LRRFIP1: variants seen among roughly 807,000 people sequenced by gnomAD.
LRRFIP1 encodes LRR binding FLII interacting protein 1, also known as leucine-rich repeat flightless-interacting protein 1.
A neutral mutation model predicts 104.4 loss-of-function variants in LRRFIP1; 62 were observed. That is an observed-to-expected ratio of 0.59 (90% confidence interval 0.48 to 0.73). The LOEUF (loss-of-function observed/expected upper bound fraction) is 0.73, where lower values mean the gene tolerates loss of function less well. Ranked by LOEUF, LRRFIP1 falls within the 30% of genes least tolerant of loss-of-function variation. The probability of loss-of-function intolerance (pLI) is 0.00; values close to 1 mark genes in which losing one functional copy is unlikely to be tolerated. For synonymous variants in LRRFIP1, 300 were observed against 299.0 expected (o/e 1.00, Z -0.03); for missense variants, 796 against 824.5 (o/e 0.97, Z 0.42).
intron 1 of LRRFIP1, among the ~76,000 whole-genome samples, chr2:237,704,425 A>AT (rs2093703841): frequency 6.6e-6 from 1 of 152,110 alleles, no homozygotes; most frequent in Non-Finnish European, 1.5e-5. Flanking sequence ...AAGTGCTGGG[A>AT]TTACAGGTGT....
intron 23 of LRRFIP1, 122 bp downstream of exon 23, chr2:237,774,584 C>T: frequency 1.5e-6 from 1 of 684,268 alleles, no homozygotes; most frequent in South Asian, 1.8e-5. Flanking sequence ...CAGATCATCC[C>T]ACACCACTCT....
At chr2:237,651,209 A>G (rs1286417548) in intron 1 of LRRFIP1, among the ~76,000 whole-genome samples, 5 of 152,172 alleles carry the variant, frequency 3.3e-5, no homozygotes, top group African/African-American at 9.7e-5. Flanking sequence ...ATATTGCTTT[A>G]CCTGGCTCTT....
At chr2:237,668,489 A>G (rs2089848871) in intron 1 of LRRFIP1, among the ~76,000 whole-genome samples, 1 of 152,178 alleles carries the variant, frequency 6.6e-6, no homozygotes, top group Admixed American at 6.5e-5. Context: ...CTTCCGGGAT[A>G]CATTTTAAAG....
intron 1 of LRRFIP1, among the ~76,000 whole-genome samples, chr2:237,675,155 C>T (rs1277588205): frequency 1.3e-5 from 2 of 152,220 alleles, no homozygotes; most frequent in Non-Finnish European, 2.9e-5. Context: ...GGTCCGGGTC[C>T]CCACTCCAAG....
intron 1 of LRRFIP1, among the ~76,000 whole-genome samples, chr2:237,632,859 C>A (rs1367834484): frequency 6.6e-6 from 1 of 152,196 alleles, no homozygotes; most frequent in Non-Finnish European, 1.5e-5. Context: ...GTGAGGTGAC[C>A]CTGGGGCCAG....
chr2:237,648,194 C>T (rs189474818), intron 1 of LRRFIP1, among the ~76,000 whole-genome samples: 1,599 of 151,760 alleles, frequency 0.011, 22 homozygotes, highest in African/African-American at 0.032. Context: ...GCTGTGGACC[C>T]GGCAGCCCTG....
chr2:237,699,457 AT>A (rs1452967227), intron 1 of LRRFIP1, among the ~76,000 whole-genome samples: 2 of 149,628 alleles, frequency 1.3e-5, no homozygotes, highest in African/African-American at 2.5e-5. Context: ...GGTTCAAGTG[AT>A]TCTCCTGCCT....
chr2:237,723,831 G>C (rs1202591350), intron 7 of LRRFIP1, among the ~76,000 whole-genome samples: 1 of 152,246 alleles, frequency 6.6e-6, no homozygotes, highest in Non-Finnish European at 1.5e-5. Context: ...TCCCTCACCA[G>C]ATGGCCTTTG....
intron 18 of LRRFIP1, among the ~76,000 whole-genome samples, chr2:237,759,752 G>C (rs2059666986): frequency 6.6e-6 from 1 of 152,168 alleles, no homozygotes. Context: ...CTTGCTTACT[G>C]CTCCACTTGG....
intron 1 of LRRFIP1, among the ~76,000 whole-genome samples, chr2:237,680,099 A>G (rs1416383105): frequency 2.6e-5 from 4 of 152,240 alleles, no homozygotes; most frequent in African/African-American, 9.6e-5. Context: ...TCCATCCCCA[A>G]ATAAATGATA....
intron 1 of LRRFIP1, among the ~76,000 whole-genome samples, chr2:237,662,261 T>A (rs557427437): frequency 6.6e-6 from 1 of 152,288 alleles, no homozygotes; most frequent in Admixed American, 6.5e-5. Context: ...TATAAGAAAG[T>A]CATTGAATGA....
intron 1 of LRRFIP1, among the ~76,000 whole-genome samples, chr2:237,637,531 TCTAAGATCTGAGATATA>T (rs1287529330): frequency 6.6e-6 from 1 of 152,240 alleles, no homozygotes; most frequent in Admixed American, 6.5e-5. Context: ...TGGAAAGTTC[TCTAAGATCTGAGATATA>T]CTTTCCATAA....
chr2:237,725,095 C>T (rs928764867), intron 7 of LRRFIP1, among the ~76,000 whole-genome samples: 1 of 152,190 alleles, frequency 6.6e-6, no homozygotes, highest in Non-Finnish European at 1.5e-5. Context: ...AGGGCATTTA[C>T]CCTTGTATCT....
At chr2:237,719,940 C>CTTTTTTTT (rs57355213) in intron 5 of LRRFIP1, among the ~76,000 whole-genome samples, 6 of 103,974 alleles carry the variant, frequency 5.8e-5, no homozygotes, top group Non-Finnish European at 9.4e-5. Flanking sequence ...GATGAAATTA[C>CTTTTTTTT]TTTTTTTTTT....
At chr2:237,679,766 G>A (rs148590064) in intron 1 of LRRFIP1, among the ~76,000 whole-genome samples, 1,776 of 152,118 alleles carry the variant, frequency 0.012, 26 homozygotes, top group East Asian at 0.047. Context: ...GCACCACCAC[G>A]CCCAGCTAAT....
intron 10 of LRRFIP1, among the ~76,000 whole-genome samples, chr2:237,736,802 A>G (rs951754315): frequency 4.6e-5 from 7 of 152,248 alleles, no homozygotes; most frequent in African/African-American, 1.4e-4. Context: ...AATTAGCACC[A>G]TGAGGAAGAC....
chr2:237,663,279 G>T (rs751064622), intron 1 of LRRFIP1, among the ~76,000 whole-genome samples: 1 of 152,248 alleles, frequency 6.6e-6, no homozygotes, highest in Non-Finnish European at 1.5e-5. Context: ...AGGTGCTGTA[G>T]TCTGAACGTT....
chr2:237,686,599 AG>A (rs1252120929), intron 1 of LRRFIP1, among the ~76,000 whole-genome samples: 1 of 152,204 alleles, frequency 6.6e-6, no homozygotes, highest in African/African-American at 2.4e-5. Context: ...GTGGGGGCTG[AG>A]GGAGGTGGTG....
At chr2:237,689,881 C>T (rs1205638307) in intron 1 of LRRFIP1, among the ~76,000 whole-genome samples, 1 of 152,218 alleles carries the variant, frequency 6.6e-6, no homozygotes. Flanking sequence ...TGACTGTGCC[C>T]AGCGGGATCC....
Sources: gnomAD v4.1 joint callset for allele counts (sites outside exome capture counted in the v4.1 genomes callset) on GRCh38, gnomAD v4.1.1 for gene constraint, MANE v1.5 for transcripts, NCBI Gene and HGNC (gene_info 2026-07-23, HGNC 2026-07-21) for gene names.